Variants in SDHAF3 observed in about 807,000 individuals in gnomAD.
SDHAF3 encodes succinate dehydrogenase complex assembly factor 3.
SDHAF3 carries 18 observed loss-of-function variants against 11.5 expected under a neutral mutation model. The ratio of observed to expected loss-of-function variants is 1.56; its 90% CI spans 1.08 to 2.32. The LOEUF (loss-of-function observed/expected upper bound fraction) is 2.32. Among genes scored for constraint, SDHAF3 ranks in the 30% most tolerant of loss-of-function variants. The probability of loss-of-function intolerance (pLI) is 0.00; values close to 1 mark genes in which losing one functional copy is unlikely to be tolerated. For synonymous variants in SDHAF3, 72 were observed against 59.3 expected (o/e 1.21, Z -0.99); for missense variants, 200 against 154.4 (o/e 1.30, Z -1.57).
At chr7:97,126,877 C>T (rs973917801) in intron 1 of SDHAF3, among the ~76,000 whole-genome samples, 1 of 151,336 alleles carries the variant, frequency 6.6e-6, no homozygotes, top group African/African-American at 2.4e-5. Context: ...GCAGCTAGCT[C>T]GGTGTCTGCC....
intron 1 of SDHAF3, among the ~76,000 whole-genome samples, chr7:97,153,141 T>C (rs1476486766): frequency 6.6e-6 from 1 of 152,222 alleles, no homozygotes; most frequent in Non-Finnish European, 1.5e-5. Context: ...CAAGGGCAGT[T>C]GGGAGGTTAA....
intron 1 of SDHAF3, among the ~76,000 whole-genome samples, chr7:97,177,570 CACTTAA>C (rs764535099): frequency 2.0e-5 from 3 of 152,104 alleles, no homozygotes; most frequent in Non-Finnish European, 4.4e-5. Context: ...TCTTGGATTC[CACTTAA>C]ACTTACGGTA....
intron 1 of SDHAF3, among the ~76,000 whole-genome samples, chr7:97,173,104 C>A (rs1789629310): frequency 6.6e-6 from 1 of 152,194 alleles, no homozygotes; most frequent in African/African-American, 2.4e-5. Context: ...AATGCCACTG[C>A]TGACCTGACA....
chr7:97,132,088 A>G (rs574417250), intron 1 of SDHAF3, among the ~76,000 whole-genome samples: 1 of 152,318 alleles, frequency 6.6e-6, no homozygotes, highest in South Asian at 2.1e-4. Context: ...TTACTTTAGT[A>G]ATTATAAGAA....
rs116985673 is a variant in SDHAF3 at position 97,129,553 on chromosome 7, C to T, written c.174+11656C>T. On this transcript the variant is annotated intron_variant, in intron 1 of 1. Coordinates refer to ENST00000432641, the MANE Select transcript of SDHAF3 (RefSeq NM_020186.3). ...GGAGAGGAGATAAAAAATAAGCTCT[C>T]GTGATATCCCCAGTCTGCCATCTTT... Among the ~76,000 whole-genome samples the T allele has an allele frequency of 1.6e-4, 24 of 152,186 alleles. 1 individual carries two copies. Among genetic ancestry groups the T allele is most frequent in the Admixed American group, 2.0e-4 (3 of 15,280 alleles).
chr7:97,166,560 A>G (rs1455133301), intron 1 of SDHAF3, among the ~76,000 whole-genome samples: 4 of 152,186 alleles, frequency 2.6e-5, no homozygotes, highest in African/African-American at 9.7e-5. Flanking sequence ...TGTAAGACTT[A>G]CTGAGTCTGT....
In SDHAF3 at chr7:97,181,116, T is replaced by C. The variant is rs917082669; in HGVS notation, c.279T>C (p.Phe93=). Residue 93 remains phenylalanine, a synonymous_variant, in exon 2 of 2, where the codon TTT becomes TTC. Transcript: ENST00000432641. ...TFLPEEKLND[F]RDEQIGQLQE... ...TCCCAGAAGAAAAACTTAATGACTT[T>C]CGTGATGAACAAATTGGACAGTTGC... 7 of 1,614,026 alleles carry C rather than the reference T, an allele frequency of 4.3e-6. No individual in the cohort carries two copies. Among genetic ancestry groups the C allele is most frequent in the South Asian group, 2.2e-5 (2 of 91,064 alleles).
At chr7:97,155,742 A>G (rs1789291345) in intron 1 of SDHAF3, among the ~76,000 whole-genome samples, 1 of 152,052 alleles carries the variant, frequency 6.6e-6, no homozygotes. Flanking sequence ...ACATCTAGTT[A>G]TTTACATGGT....
intron 1 of SDHAF3, among the ~76,000 whole-genome samples, chr7:97,156,650 C>A (rs1237179546): frequency 6.6e-6 from 1 of 152,102 alleles, no homozygotes; most frequent in Admixed American, 6.5e-5. Context: ...GAGGTTTCTT[C>A]AGTGCAGGGG....
chr7:97,178,097 A>ATT (rs1237994614), intron 1 of SDHAF3, among the ~76,000 whole-genome samples: 1 of 152,128 alleles, frequency 6.6e-6, no homozygotes, highest in East Asian at 1.9e-4. Flanking sequence ...AGTATTATCT[A>ATT]TTCTTTCTGT....
intron 1 of SDHAF3, among the ~76,000 whole-genome samples, chr7:97,137,643 A>G (rs1409802371): frequency 1.3e-5 from 2 of 152,292 alleles, no homozygotes; most frequent in African/African-American, 4.8e-5. Context: ...TAAGGACTTT[A>G]TAAGCCTGCC....
At position 97,157,605 on chromosome 7, in the gene SDHAF3, TC is replaced by T. The variant is rs113544262; in HGVS notation, c.175-23404del. 1.7e-4 allele frequency among the ~76,000 whole-genome samples: 26 copies of T among 152,240 alleles called. 1 individual carries two copies. The highest frequency in any genetic ancestry group is 5.5e-4 in the African/African-American group (23 of 41,540). On this transcript the variant is annotated intron_variant, in intron 1 of 1. Coordinates refer to ENST00000432641, the MANE Select transcript of SDHAF3 (RefSeq NM_020186.3). ...CTAGAAATACCATTTGACCCAGCAG[TC>T]CCATTACTGGGTATATACCCAAAGG... is the stretch of plus-strand genomic sequence containing the variant.
chr7:97,147,661 A>C (rs950156152), intron 1 of SDHAF3, among the ~76,000 whole-genome samples: 1 of 152,152 alleles, frequency 6.6e-6, no homozygotes, highest in African/African-American at 2.4e-5. Context: ...AATTTTATAT[A>C]TTACTCTTAC....
At chr7:97,138,019 C>T (rs958292366) in intron 1 of SDHAF3, among the ~76,000 whole-genome samples, 5 of 151,670 alleles carry the variant, frequency 3.3e-5, no homozygotes, top group Non-Finnish European at 5.9e-5. Context: ...ATTACAGGCA[C>T]GTGGCACCAC....
chr7:97,138,491 C>A (rs1470677330), intron 1 of SDHAF3, among the ~76,000 whole-genome samples: 1 of 152,114 alleles, frequency 6.6e-6, no homozygotes, highest in African/African-American at 2.4e-5. Context: ...ATCATTTTAT[C>A]TTTGAGTTTA....
chr7:97,163,808 G>A (rs1789454255), intron 1 of SDHAF3, among the ~76,000 whole-genome samples: 1 of 152,114 alleles, frequency 6.6e-6, no homozygotes, highest in South Asian at 2.1e-4. Flanking sequence ...TCCTTTCCAT[G>A]TTTAGTGCTT....
intron 1 of SDHAF3, among the ~76,000 whole-genome samples, chr7:97,153,449 A>G (rs527958942): frequency 2.6e-5 from 4 of 152,312 alleles, no homozygotes; most frequent in African/African-American, 7.2e-5. Context: ...TCATTTACCT[A>G]CTGAAGGATA....
intron 1 of SDHAF3, among the ~76,000 whole-genome samples, chr7:97,147,488 G>C (rs184827242): frequency 6.6e-6 from 1 of 152,302 alleles, no homozygotes; most frequent in Admixed American, 6.5e-5. Context: ...TAGGGAACTA[G>C]TTTATAAGAA....
chr7:97,140,725 G>A (rs930275720), intron 1 of SDHAF3, among the ~76,000 whole-genome samples: 2 of 148,470 alleles, frequency 1.3e-5, no homozygotes, highest in African/African-American at 5.0e-5. Context: ...TCTTAATCCC[G>A]TCATCTTCGC....
Sources: allele counts gnomAD v4.1 joint callset (sites outside exome capture counted in the v4.1 genomes callset), GRCh38; gene constraint gnomAD v4.1.1; transcripts MANE v1.5; gene names NCBI Gene and HGNC (gene_info 2026-07-23, HGNC 2026-07-21).